ABCA9: variants seen among roughly 807,000 people sequenced by gnomAD.
ABCA9 encodes ATP-binding cassette sub-family A member 9.
A neutral mutation model predicts 205.3 loss-of-function variants in ABCA9; 183 were observed. The ratio of observed to expected loss-of-function variants is 0.89; its 90% CI spans 0.79 to 1.01. The LOEUF is 1.01. Ranked by LOEUF, ABCA9 falls within the 50% of genes least tolerant of loss-of-function variation. ABCA9 has a pLI of 0.00. For synonymous variants in ABCA9, 651 were observed against 683.3 expected, an observed-to-expected ratio of 0.95 and a Z score of 0.74; for missense variants, 1,805 against 1,912.4, an observed-to-expected ratio of 0.94 and a Z score of 1.05.
chr17:68,993,392 C>T (rs573433918), intron 26 of ABCA9, among the ~76,000 whole-genome samples: 2 of 152,290 alleles, frequency 1.3e-5, no homozygotes, highest in Admixed American at 6.5e-5. Context: ...AAGACAAACC[C>T]TCTCCCCTAA....
upstream of ABCA9, among the ~76,000 whole-genome samples, chr17:69,062,809 G>A (rs1349070669): frequency 6.6e-6 from 1 of 152,090 alleles, no homozygotes; most frequent in Non-Finnish European, 1.5e-5. Flanking sequence ...CACTGCGCCC[G>A]ACGTATTTAC....
chr17:69,018,605 A>G (rs2070716878), intron 19 of ABCA9, 26 bp from the exon 20 acceptor site: 2 of 1,526,796 alleles, frequency 1.3e-6, no homozygotes, highest in Non-Finnish European at 1.7e-6. Flanking sequence ...TGTAAAAGAA[A>G]AAAATAATTT....
intron 1 of ABCA9, among the ~76,000 whole-genome samples, chr17:69,053,234 A>G (rs1217848724): frequency 6.6e-6 from 1 of 152,194 alleles, no homozygotes; most frequent in Admixed American, 6.5e-5. Context: ...AACCAGTCCT[A>G]TCCTGAAGCA....
At chr17:69,038,515 C>T (rs2071421007) in intron 6 of ABCA9, among the ~76,000 whole-genome samples, 1 of 152,170 alleles carries the variant, frequency 6.6e-6, no homozygotes, top group Non-Finnish European at 1.5e-5. Context: ...TAAAGTTCAA[C>T]ACCCCTTCAT....
rs1028105700 is a variant in ABCA9 at position 69,023,896 on chromosome 17, CCA to C, written c.2281+316_2281+317del. 3.3e-5 allele frequency among the ~76,000 whole-genome samples: 5 copies of C among 152,176 alleles called. No homozygotes were observed. Among genetic ancestry groups the C allele is most frequent in the South Asian group, 2.1e-4 (1 of 4,818 alleles). ...ATTTATATACCTGTTCCTGCCCTGA[CCA>C]CACTCTCTCATTCATTACTGAAACA... is the stretch of plus-strand genomic sequence containing the variant. On this transcript the variant is annotated intron_variant, in intron 17 of 38. Coordinates refer to ENST00000340001, the MANE Select transcript of ABCA9 (RefSeq NM_080283.4). This position sits in a 1 kb window ranked among gnomAD's most constrained non-coding sequence, Gnocchi z 4.2.
chr17:68,982,893 C>T (rs908756962), intron 36 of ABCA9, among the ~76,000 whole-genome samples: 1 of 152,196 alleles, frequency 6.6e-6, no homozygotes, highest in African/African-American at 2.4e-5. Flanking sequence ...GTATTCCCAG[C>T]TACCATGGAG....
intron 31 of ABCA9, 29 bp downstream of exon 31, chr17:68,988,998 A>T: frequency 7.1e-7 from 1 of 1,403,736 alleles, no homozygotes; most frequent in Non-Finnish European, 1.0e-6. Flanking sequence ...GGTAGCACTA[A>T]TGACCATATT....
chr17:69,012,487 C>T (rs2070416195), intron 22 of ABCA9: 2 of 156,496 alleles, frequency 1.3e-5, no homozygotes, highest in Admixed American at 1.3e-4. Flanking sequence ...GAAAAATGGT[C>T]AGCACGCCCT....
intron 1 of ABCA9, among the ~76,000 whole-genome samples, chr17:69,059,324 A>G (rs980874242): frequency 7.2e-5 from 11 of 152,142 alleles, no homozygotes; most frequent in African/African-American, 2.7e-4. Context: ...CTGACTTTGA[A>G]ATAGGGAGAT....
At chr17:68,989,166 A>G (rs554142415) in intron 30 of ABCA9, 48 bp from the exon 31 acceptor site, 7 of 1,175,750 alleles carry the variant, frequency 6.0e-6, no homozygotes, top group South Asian at 3.7e-5. Flanking sequence ...TTGCAACAAA[A>G]ATAAAAGCAA....
At chr17:69,078,964 T>C in the ABCA9 span, 2 of 1,581,352 alleles carry the variant, frequency 1.3e-6, no homozygotes, top group East Asian at 2.2e-5. Flanking sequence ...AATTACTAGG[T>C]TTGAGGTTTT....
At chr17:69,037,829 A>G (rs186810146) in intron 6 of ABCA9, among the ~76,000 whole-genome samples, 12 of 152,304 alleles carry the variant, frequency 7.9e-5, no homozygotes, top group African/African-American at 2.9e-4. Flanking sequence ...AGTCAGACTA[A>G]TAAAGAAGAA....
chr17:69,001,330 T>C (rs1424552931), intron 25 of ABCA9, among the ~76,000 whole-genome samples: 3 of 152,158 alleles, frequency 2.0e-5, no homozygotes, highest in Non-Finnish European at 4.4e-5. Context: ...GCATGCAAGG[T>C]TGTTGAATTT....
chr17:69,070,332 G>C, the ABCA9 span, among the ~76,000 whole-genome samples: 3 of 152,306 alleles, frequency 2.0e-5, no homozygotes, highest in Admixed American at 1.3e-4. Context: ...GCCCTGGTCT[G>C]CAGCTCCTAG....
chr17:69,036,812 AAG>A (rs1311064216), intron 6 of ABCA9, among the ~76,000 whole-genome samples: 2 of 149,096 alleles, frequency 1.3e-5, no homozygotes, highest in Non-Finnish European at 3.0e-5. Context: ...CTCAGGTGCA[AAG>A]ACACACATAG....
At chr17:69,062,275 G>A (rs578146123), upstream of ABCA9, among the ~76,000 whole-genome samples, 1 of 151,990 alleles carries the variant, frequency 6.6e-6, no homozygotes. Flanking sequence ...TGTGCACAGA[G>A]AATATAATTT....
chr17:68,977,153 G>A (rs2068911953), intron 37 of ABCA9, among the ~76,000 whole-genome samples: 1 of 152,144 alleles, frequency 6.6e-6, no homozygotes, highest in Admixed American at 6.5e-5. Context: ...AAGATCACCT[G>A]GAAAGGGAAA....
Position 69,035,753 on chromosome 17 carries a change from AG to A in ABCA9, c.848del (p.Thr283IlefsTer2), listed in dbSNP as rs1206996681. The A allele has an allele frequency of 6.2e-7, 1 of 1,613,670 alleles. No homozygotes were observed. The highest frequency in any genetic ancestry group is 1.3e-5 in the African/African-American group (1 of 74,924). ...CAGATTTTACAATAAGAGCCATTAAAGTGGCCATGATAAGGATGAAGCCAGC... is the reference window on the plus strand; with the variant it reads ...CAGATTTTACAATAAGAGCCATTAAATGGCCATGATAAGGATGAAGCCAGC... ...MYAGFILIMATLMALIVKSAQ... is the reference protein window; with the variant it reads ...MYAGFILIMAXLMALIVKSAQ... On this transcript the variant is annotated frameshift_variant, in exon 7 of 39. Transcript: ENST00000340001. LOFTEE classifies it high-confidence loss of function.
chr17:69,030,412 G>A (rs75061779), intron 10 of ABCA9, among the ~76,000 whole-genome samples: 1 of 152,154 alleles, frequency 6.6e-6, no homozygotes, highest in Non-Finnish European at 1.5e-5. Context: ...CAGCAGGAAG[G>A]CCCCACCCTC....
Sources: allele counts gnomAD v4.1 joint callset (sites outside exome capture counted in the v4.1 genomes callset), GRCh38; gene constraint gnomAD v4.1.1; non-coding constraint Gnocchi (gnomAD v3.1); transcripts MANE v1.5; gene names NCBI Gene and HGNC (gene_info 2026-07-23, HGNC 2026-07-21).